SEC24A: variants seen among roughly 807,000 people sequenced by gnomAD.
SEC24A encodes the protein SEC24 homolog A, COPII component.
SEC24A carries 93 observed loss-of-function variants against 129.4 expected under a neutral mutation model. The ratio of observed to expected loss-of-function variants is 0.72; its 90% CI spans 0.61 to 0.85. The LOEUF is 0.85. Among genes scored for constraint, SEC24A ranks in the 40% least tolerant of loss-of-function variants. SEC24A has a pLI of 0.00. For missense variants in SEC24A, 1,264 were observed against 1,307.4 expected, an observed-to-expected ratio of 0.97 and a Z score of 0.51; for synonymous variants, 460 against 467.3, an observed-to-expected ratio of 0.98 and a Z score of 0.20.
chr5:134,717,915 C>T (rs949334222), intron 19 of SEC24A, among the ~76,000 whole-genome samples, 154 bp from the exon 20 acceptor site: 16 of 152,004 alleles, frequency 1.1e-4, no homozygotes, highest in South Asian at 6.2e-4. Flanking sequence ...AACTCCGTCT[C>T]AAATAAATAA....
At chr5:134,656,551 C>T (rs1202773727) in intron 1 of SEC24A, among the ~76,000 whole-genome samples, 4 of 151,960 alleles carry the variant, frequency 2.6e-5, no homozygotes, top group African/African-American at 7.2e-5. Flanking sequence ...GCACGATATC[C>T]GCTCATTGCA....
intron 3 of SEC24A, 62 bp downstream of exon 3, chr5:134,667,058 A>G: frequency 7.4e-7 from 1 of 1,352,796 alleles, no homozygotes. Context: ...AAAGATGAAT[A>G]TTAGCTGAAT....
intron 12 of SEC24A, chr5:134,693,168 G>A (rs757505593): frequency 1.9e-4 from 294 of 1,534,180 alleles, no homozygotes; most frequent in Non-Finnish European, 2.4e-4. Context: ...TGCCGTAGGG[G>A]TAACATTTTA....
chr5:134,675,956 CTT>C (rs1751044121), intron 6 of SEC24A, 65 bp from the exon 7 acceptor site: 2 of 1,115,208 alleles, frequency 1.8e-6, no homozygotes, highest in African/African-American at 3.2e-5. Context: ...CCTTTTAAAT[CTT>C]TGTTGTTGTT....
At chr5:134,676,304 T>C (rs1376927045) in intron 7 of SEC24A, among the ~76,000 whole-genome samples, 179 bp downstream of exon 7, 3 of 152,072 alleles carry the variant, frequency 2.0e-5, no homozygotes, top group Admixed American at 6.6e-5. Flanking sequence ...CGTGCCTGGC[T>C]AATTTTTGTA....
At position 134,708,709 on chromosome 5, in the gene SEC24A, T is replaced by G; in HGVS notation, c.2552-4T>G. 4.3e-6 allele frequency: 7 copies of G among 1,609,390 alleles called. No homozygotes were observed. The highest frequency in any genetic ancestry group is 5.9e-6 in the Non-Finnish European group (7 of 1,178,504). On this transcript the variant is annotated splice_region_variant and splice_polypyrimidine_tract_variant and intron_variant, in intron 17 of 22. Coordinates refer to ENST00000398844, the MANE Select transcript of SEC24A (RefSeq NM_021982.3). ...TTTTTTGTCCTTACCCTCACCTTGCTTAGCTGTTGACAGATCTATGACTGC... is the reference window on the plus strand; with the variant it reads ...TTTTTTGTCCTTACCCTCACCTTGCGTAGCTGTTGACAGATCTATGACTGC...
chr5:134,666,729 G>A (rs1580689462), intron 2 of SEC24A, 94 bp from the exon 3 acceptor site: 2 of 932,060 alleles, frequency 2.1e-6, no homozygotes, highest in African/African-American at 3.4e-5. Flanking sequence ...TAATTTAAAT[G>A]TAAGTTTGGA....
chr5:134,693,039 T>C, intron 12 of SEC24A: 3 of 1,535,906 alleles, frequency 2.0e-6, no homozygotes, highest in Non-Finnish European at 2.6e-6. Flanking sequence ...AGAGTGTCAT[T>C]GGGGTCAGTT....
chr5:134,661,025 T>G, intron 1 of SEC24A, 94 bp from the exon 2 acceptor site: 1 of 908,742 alleles, frequency 1.1e-6, no homozygotes, highest in East Asian at 2.4e-5. Context: ...TTATGTGTTT[T>G]TATTGCTGAC....
intron 3 of SEC24A, among the ~76,000 whole-genome samples, chr5:134,667,372 C>T (rs188240539): frequency 3.4e-4 from 51 of 152,110 alleles, no homozygotes; most frequent in African/African-American, 1.1e-3. Context: ...TATTTTGAGC[C>T]AGGCGCGGTG....
intron 21 of SEC24A, among the ~76,000 whole-genome samples, chr5:134,721,721 A>G (rs994998325): frequency 6.6e-6 from 1 of 152,148 alleles, no homozygotes; most frequent in Admixed American, 6.6e-5. Flanking sequence ...AACATTTTTA[A>G]AATAGCTGGG....
chr5:134,715,004 A>G lies in SEC24A; in HGVS notation c.2728-20A>G. On this transcript the variant is annotated intron_variant, in intron 18 of 22. Coordinates refer to ENST00000398844, the MANE Select transcript of SEC24A (RefSeq NM_021982.3). ...TTTAAAATATATTCTTTTGTGGGGA[A>G]TGGGGGTTTTCTGTTACAGAAATCA... The G allele has an allele frequency of 6.2e-7, 1 of 1,607,540 alleles. No individual in the cohort carries two copies. The highest frequency in any genetic ancestry group is 8.5e-7 in the Non-Finnish European group (1 of 1,176,564).
chr5:134,685,869 A>G (rs1322997190), intron 9 of SEC24A, among the ~76,000 whole-genome samples: 1 of 152,026 alleles, frequency 6.6e-6, no homozygotes, highest in Non-Finnish European at 1.5e-5. Context: ...CGTGCCTGTA[A>G]TCCCAGCTAC....
rs763732101 is a variant in SEC24A, at chr5:134,671,883, T to C, written c.814T>C (p.Leu272=). The stretch of plus-strand genomic sequence containing the variant: ...CGACGAGATTGAAGGAGGTGGCTTA[T>C]TGGGTGAGATGCTATGAAAGTTTTT... ...SYDEIEGGGL[L]ATPQLTNKNP... The change falls in exon 4 of 23, where the codon TTG becomes CTG. Residue 272 remains leucine, a synonymous_variant. Coordinates refer to ENST00000398844, the MANE Select transcript of SEC24A (RefSeq NM_021982.3). 2.5e-6 allele frequency: 4 copies of C among 1,600,374 alleles called. No individual in the cohort carries two copies. Among genetic ancestry groups the C allele is most frequent in the Middle Eastern group, 1.7e-4 (1 of 6,032 alleles).
intron 11 of SEC24A, among the ~76,000 whole-genome samples, chr5:134,691,574 C>T (rs1394107279): frequency 6.7e-6 from 1 of 149,954 alleles, no homozygotes. Context: ...ACTATCTCGG[C>T]TCACTGCAAC....
chr5:134,682,394 A>C lies in SEC24A; in HGVS notation c.1403A>C (p.Asn468Thr), dbSNP rs1207961855. 1.3e-6 allele frequency: 2 copies of C among 1,597,346 alleles called. No homozygotes were observed. The highest frequency in any genetic ancestry group is 2.2e-5 in the South Asian group (2 of 90,018). ...ATAGTTCCTGAAGAATTCTTGTACAACCCTTTGACCAGAGTTTATGGAGAA... is the reference window on the plus strand; with the variant it reads ...ATAGTTCCTGAAGAATTCTTGTACACCCCTTTGACCAGAGTTTATGGAGAA... ...VNDVPEEFLY[N>T]PLTRVYGEPH... The change falls in exon 9 of 23, where the codon AAC becomes ACC. Residue 468 changes from asparagine (N) to threonine (T), a missense_variant. Transcript: ENST00000398844.
intron 9 of SEC24A, among the ~76,000 whole-genome samples, chr5:134,685,310 G>C (rs1407611111): frequency 6.6e-6 from 1 of 151,816 alleles, no homozygotes; most frequent in Non-Finnish European, 1.5e-5. Context: ...GCAGTGAGCT[G>C]TGATTGCATT....
rs768661162 is a variant in SEC24A, at chr5:134,649,076, C to T, written c.-1C>T. ...GACCAGCCCCTTCCAACCCAGTCAT[C>T]ATGTCCCAGCCGGGAATACCGGCCT... On this transcript the variant is annotated 5_prime_UTR_variant, in exon 1 of 23. Transcript: ENST00000398844. 2 of 1,607,576 alleles carry T rather than the reference C, an allele frequency of 1.2e-6. No homozygotes were observed. Among genetic ancestry groups the T allele is most frequent in the Non-Finnish European group, 1.7e-6 (2 of 1,176,726 alleles).
intron 18 of SEC24A, among the ~76,000 whole-genome samples, chr5:134,712,255 CT>C (rs1204723447): frequency 4.3e-4 from 62 of 144,974 alleles, no homozygotes; most frequent in East Asian, 4.0e-4. Flanking sequence ...GTTCTCATTT[CT>C]TTTTTTTTTT....
Sources: allele counts gnomAD v4.1 joint callset (sites outside exome capture counted in the v4.1 genomes callset), GRCh38; gene constraint gnomAD v4.1.1; transcripts MANE v1.5; gene names NCBI Gene and HGNC (gene_info 2026-07-23, HGNC 2026-07-21).